Variants in GMEB2 observed in about 807,000 individuals in gnomAD.
The protein encoded by GMEB2 is glucocorticoid modulatory element-binding protein 2.
Under a neutral mutation model 45.7 loss-of-function variants are expected in GMEB2, and 7 were observed. The ratio of observed to expected loss-of-function variants is 0.15; its 90% CI spans 0.09 to 0.29. The LOEUF (loss-of-function observed/expected upper bound fraction) is 0.29, where lower values mean the gene tolerates loss of function less well. Ranked by LOEUF, GMEB2 falls within the 10% of genes least tolerant of loss-of-function variation. GMEB2 has a pLI of 1.00. For missense variants in GMEB2, 582 were observed against 739.2 expected (o/e 0.79, Z 2.47); for synonymous variants, 322 against 323.6 (o/e 1.00, Z 0.05).
At chr20:63,604,205 A>G (rs1305984152) in intron 3 of GMEB2, among the ~76,000 whole-genome samples, 1 of 150,972 alleles carries the variant, frequency 6.6e-6, no homozygotes, top group Non-Finnish European at 1.5e-5. Flanking sequence ...TTCTTGAAAA[A>G]AAAAAAAAAA....
intron 4 of GMEB2, among the ~76,000 whole-genome samples, chr20:63,600,785 G>A (rs959098511): frequency 3.3e-5 from 5 of 150,616 alleles, no homozygotes; most frequent in Non-Finnish European, 5.9e-5. Flanking sequence ...TCACCTTGAC[G>A]TTTTTGGAGC....
At chr20:63,613,211 T>C (rs982413945) in intron 2 of GMEB2, among the ~76,000 whole-genome samples, 9 of 152,222 alleles carry the variant, frequency 5.9e-5, no homozygotes, top group Non-Finnish European at 1.2e-4. Context: ...TTCTCACTGT[T>C]CTTCAAAGAG....
Position 63,590,490 on chromosome 20 carries a change from G to T in GMEB2, c.1192C>A (p.Leu398Ile). ...GGCAGGGTGGACACCACTTTACCAA[G>T]GGGCACGCTGGTCAGCTGGGGGACG... ...VPVPQLTSVP[L>I]GKVVSTLPST... The change falls in exon 10 of 10, where the codon CTT becomes ATT. Residue 398 changes from leucine (L) to isoleucine (I), a missense_variant. By Grantham distance (5) the Leu-to-Ile change is conservative (BLOSUM62 2). Transcript: ENST00000370077. 1 of 1,501,748 alleles carries T rather than the reference G, an allele frequency of 6.7e-7. No homozygotes were observed. The highest frequency in any genetic ancestry group is 2.3e-5 in the Admixed American group (1 of 44,272). 93.0% of individuals were successfully genotyped at this position (1,501,748 alleles called of 1,614,324 possible). A position where few individuals can be genotyped will look rare whatever the true frequency, so the allele number is the denominator to read the frequency against.
At chr20:63,626,478 G>T (rs1170152076) in intron 1 of GMEB2, among the ~76,000 whole-genome samples, 5 of 144,162 alleles carry the variant, frequency 3.5e-5, no homozygotes, top group Non-Finnish European at 6.1e-5. Context: ...CCTGCGGGGT[G>T]GTCCTTGTGG....
At chr20:63,591,708 G>A (rs1028396329) in intron 9 of GMEB2, among the ~76,000 whole-genome samples, 1 of 152,100 alleles carries the variant, frequency 6.6e-6, no homozygotes, top group Non-Finnish European at 1.5e-5. Context: ...GAAGTGATCC[G>A]CCCGCCTCGG....
Position 63,619,811 on chromosome 20 carries a change from A to G in GMEB2, c.-57-357T>C, listed in dbSNP as rs1313733050. On this transcript the variant is annotated intron_variant, in intron 1 of 9. Transcript: ENST00000370077. The surrounding 1 kb of genome is among the most constrained non-coding windows in gnomAD (Gnocchi z 4.6). The stretch of plus-strand genomic sequence containing the variant: ...AGTTCTTCCGTCTCTCCTGGCCTGA[A>G]CTCAAAGCCAGCCCCAATCCCTGAA... The G allele has an allele frequency of 6.4e-6, 1 of 155,390 alleles. No individual in the cohort carries two copies. Among genetic ancestry groups the G allele is most frequent in the African/African-American group, 2.4e-5 (1 of 41,470 alleles). 9.6% of individuals were successfully genotyped at this position (155,390 alleles called of 1,614,324 possible). A position where few individuals can be genotyped will look rare whatever the true frequency, so the allele number is the denominator to read the frequency against.
At chr20:63,626,749 G>A (rs1485091229) in intron 1 of GMEB2, among the ~76,000 whole-genome samples, 2 of 147,454 alleles carry the variant, frequency 1.4e-5, no homozygotes, top group East Asian at 2.0e-4. Context: ...AAGCGCCGCC[G>A]CCCGCGCCCG....
At chr20:63,616,540 G>A (rs2089609711) in intron 2 of GMEB2, among the ~76,000 whole-genome samples, 1 of 152,254 alleles carries the variant, frequency 6.6e-6, no homozygotes, top group Non-Finnish European at 1.5e-5. Context: ...AAACCCAGAA[G>A]CGAGGAGCAG....
intron 9 of GMEB2, 116 bp downstream of exon 9, chr20:63,591,906 C>T (rs530814608): frequency 5.9e-6 from 5 of 852,686 alleles, no homozygotes; most frequent in East Asian, 2.6e-5. Context: ...AGAAGCTCGC[C>T]GTGGTGGCGG....
rs559802053 is a variant in GMEB2 at position 63,599,103 on chromosome 20, C to G, written c.358-1243G>C. ...GTCACGCTTACCAGAGCTGCCAGAG[C>G]CCAGAGCTAACGCGGCCACTCCTGA... On this transcript the variant is annotated intron_variant, in intron 4 of 9. Transcript: ENST00000370077. 2.1e-4 allele frequency among the ~76,000 whole-genome samples: 32 copies of G among 152,252 alleles called. 1 individual carries two copies. The East Asian group carries it at 4.6e-3, about 22-fold the overall frequency.
rs542166677 is a variant in GMEB2 at position 63,614,567 on chromosome 20, C to A, written c.131+4700G>T. On this transcript the variant is annotated intron_variant, in intron 2 of 9. Transcript: ENST00000370077. Reference sequence around the variant, plus strand: ...TTTAGAGAAGACTCTACTCCTCCACCTCTTGCGGAGGGCCTGACATCAGTC... The same window carrying A: ...TTTAGAGAAGACTCTACTCCTCCACATCTTGCGGAGGGCCTGACATCAGTC... 2.0e-5 allele frequency among the ~76,000 whole-genome samples: 3 copies of A among 152,318 alleles called. No individual in the cohort carries two copies. The East Asian group carries it at 5.8e-4, about 29-fold the overall frequency.
chr20:63,600,248 T>C (rs1169966482), intron 4 of GMEB2, among the ~76,000 whole-genome samples: 1 of 151,602 alleles, frequency 6.6e-6, no homozygotes, highest in African/African-American at 2.4e-5. Flanking sequence ...TTTCACCATG[T>C]TGGCTGCGCT....
At chr20:63,607,497 C>A (rs1171131544) in intron 2 of GMEB2, among the ~76,000 whole-genome samples, 1 of 20,670 alleles carries the variant, frequency 4.8e-5, no homozygotes, top group East Asian at 5.1e-4. Context: ...AAACATGCCC[C>A]TCTGACCCAC....
intron 2 of GMEB2, among the ~76,000 whole-genome samples, chr20:63,610,785 C>A (rs2089563787): frequency 6.6e-6 from 1 of 152,226 alleles, no homozygotes; most frequent in Admixed American, 6.5e-5. Flanking sequence ...GCCCTCTGGT[C>A]CTTCATGGCT....
chr20:63,617,470 C>T (rs905029668), intron 2 of GMEB2, among the ~76,000 whole-genome samples: 1 of 152,182 alleles, frequency 6.6e-6, no homozygotes, highest in African/African-American at 2.4e-5. Context: ...TCAGGCCACG[C>T]GGTCTACGGC....
chr20:63,619,589 G>A lies in GMEB2; in HGVS notation c.-57-135C>T. ...GACTGCTACCTCCTGACAAAAACGA[G>A]CGGCAACAGAAGGGCTACTCCAGGC... On this transcript the variant is annotated intron_variant, in intron 1 of 9. Transcript: ENST00000370077. The surrounding 1 kb of genome is among the most constrained non-coding windows in gnomAD (Gnocchi z 4.6). 5 of 505,870 alleles carry A rather than the reference G, an allele frequency of 9.9e-6. No individual in the cohort carries two copies. Among genetic ancestry groups the A allele is most frequent in the Non-Finnish European group, 1.7e-5 (5 of 287,842 alleles). The allele number at this position is 505,870 out of a possible 1,614,324, so 31.3% of individuals were successfully genotyped here. A position where few individuals can be genotyped will look rare whatever the true frequency, so the allele number is the denominator to read the frequency against.
intron 2 of GMEB2, among the ~76,000 whole-genome samples, chr20:63,609,993 C>T (rs1259820991): frequency 6.6e-6 from 1 of 151,826 alleles, no homozygotes; most frequent in South Asian, 2.1e-4. Flanking sequence ...GCCCCTCTGA[C>T]TCCACCTCCA....
chr20:63,611,686 A>G (rs941892215), intron 2 of GMEB2, among the ~76,000 whole-genome samples: 1 of 152,098 alleles, frequency 6.6e-6, no homozygotes, highest in Admixed American at 6.5e-5. Flanking sequence ...TGGAGCTAGA[A>G]GGTTCTTCTC....
In GMEB2 at chr20:63,595,675, G is replaced by A. The variant is rs1406302440; in HGVS notation, c.554C>T (p.Ala185Val). ...CRSTKIDLSG[A>V]RVSLSSPTSA... ...CGTGGGGCTGCTCAGGGACACACGGGCTCCTGAGAGGTCAATCTTTGTGCT... is the reference window on the plus strand; with the variant it reads ...CGTGGGGCTGCTCAGGGACACACGGACTCCTGAGAGGTCAATCTTTGTGCT... Residue 185 changes from alanine (A) to valine (V), a missense_variant, in exon 6 of 10, where the codon GCC becomes GTC. By Grantham distance (64) the Ala-to-Val change is moderately conservative. This residue lies in a region of GMEB2 where 462 missense variants were observed against 586.7 expected (regional missense o/e 0.79). Transcript: ENST00000370077. 3.1e-6 allele frequency: 5 copies of A among 1,613,694 alleles called. No homozygotes were observed. The Admixed American group carries it at 5.0e-5, about 16-fold the overall frequency.
Sources: gnomAD v4.1 joint callset for allele counts (sites outside exome capture counted in the v4.1 genomes callset) on GRCh38, gnomAD v4.1.1 for gene constraint, gnomAD v4.1.1 regional missense constraint, Gnocchi (gnomAD v3.1) non-coding constraint, MANE v1.5 for transcripts, NCBI Gene and HGNC (gene_info 2026-07-23, HGNC 2026-07-21) for gene names.